The following NEIL3 variants were observed in gnomAD, a reference collection of about 807,000 sequenced individuals.
The protein encoded by NEIL3 is nei like DNA glycosylase 3, also known as endonuclease 8-like 3.
Under a neutral mutation model 57.5 loss-of-function variants are expected in NEIL3, and 48 were observed. The ratio of observed to expected loss-of-function variants is 0.83; its 90% CI spans 0.66 to 1.06. The LOEUF (loss-of-function observed/expected upper bound fraction) is 1.06, where lower values mean the gene tolerates loss of function less well. NEIL3 is among the 50% of genes least tolerant of loss of function. NEIL3 has a pLI of 0.00. For missense variants in NEIL3, 717 were observed against 739.1 expected (o/e 0.97, Z 0.35); for synonymous variants, 261 against 253.2 (o/e 1.03, Z -0.29).
chr4:177,312,438 A>G (rs1242177159), intron 1 of NEIL3, among the ~76,000 whole-genome samples: 1 of 152,174 alleles, frequency 6.6e-6, no homozygotes, highest in East Asian at 1.9e-4. Context: ...GAAAAGTGCA[A>G]TCTTGGATTT....
At chr4:177,327,215 G>A (rs1014589829) in intron 2 of NEIL3, among the ~76,000 whole-genome samples, 2 of 152,134 alleles carry the variant, frequency 1.3e-5, no homozygotes, top group Admixed American at 6.6e-5. Flanking sequence ...GTGGAACTGC[G>A]AGTCAATTAA....
intron 2 of NEIL3, among the ~76,000 whole-genome samples, chr4:177,323,845 C>T (rs1221068334): frequency 2.0e-5 from 3 of 152,172 alleles, no homozygotes; most frequent in Admixed American, 6.5e-5. Flanking sequence ...AGTCATTTCT[C>T]AGCACACGGC....
At chr4:177,326,725 C>A (rs753603853) in intron 2 of NEIL3, among the ~76,000 whole-genome samples, 1 of 151,934 alleles carries the variant, frequency 6.6e-6, no homozygotes, top group South Asian at 2.1e-4. Flanking sequence ...TCCTTCATTT[C>A]TTTATCAGTA....
At chr4:177,358,601 C>T (rs1414456339) in intron 8 of NEIL3, among the ~76,000 whole-genome samples, 4 of 152,138 alleles carry the variant, frequency 2.6e-5, no homozygotes, top group Admixed American at 2.6e-4. Context: ...GCCACCATGC[C>T]CAGCCTGTGG....
In NEIL3 at chr4:177,322,579, C is replaced by G. The variant is rs765871055; in HGVS notation, c.277C>G (p.Arg93Gly). 5.6e-6 allele frequency: 9 copies of G among 1,613,672 alleles called. No individual in the cohort carries two copies. In the South Asian group the frequency reaches 9.9e-5, roughly 18 times the overall value. The change falls in exon 2 of 10, where the codon CGG (arginine) becomes GGG (glycine). Residue 93 changes from arginine (R) to glycine (G), a missense_variant and splice_region_variant. By Grantham distance (125) the Arg-to-Gly change is moderately radical. Coordinates refer to ENST00000264596, the MANE Select transcript of NEIL3 (RefSeq NM_018248.3). ...TATGTACTTTGGACCAAAAGCTTTACGGTAAGATAAGCCTGTACGATACAT... is the reference window on the plus strand; with the variant it reads ...TATGTACTTTGGACCAAAAGCTTTAGGGTAAGATAAGCCTGTACGATACAT... ...LFMYFGPKALRIHFGMKGFIM... is the reference protein window; with the variant it reads ...LFMYFGPKALGIHFGMKGFIM...
chr4:177,335,762 T>A lies in NEIL3; in HGVS notation c.353T>A (p.Val118Asp), dbSNP rs1207407972. 1.3e-6 allele frequency: 2 copies of A among 1,592,554 alleles called. No homozygotes were observed. Among genetic ancestry groups the A allele is most frequent in the Non-Finnish European group, 1.7e-6 (2 of 1,172,130 alleles). ...EYKYKNGASP[V>D]LEVQLTKDLI... is the part of the protein sequence containing the mutation. ...AAATATAAAAATGGAGCTTCTCCTG[T>A]TTTGGAAGTGCAGCTCACCAAAGAT... The change falls in exon 3 of 10, where the codon GTT (valine) becomes GAT (aspartate). Residue 118 changes from valine (V) to aspartate (D), a missense_variant. Transcript: ENST00000264596.
chr4:177,324,646 TCTG>T (rs1734745383), intron 2 of NEIL3, among the ~76,000 whole-genome samples: 1 of 152,190 alleles, frequency 6.6e-6, no homozygotes, highest in Non-Finnish European at 1.5e-5. Flanking sequence ...CTGTACAACT[TCTG>T]AACACTTTCC....
intron 6 of NEIL3, among the ~76,000 whole-genome samples, chr4:177,349,566 G>A (rs563095056): frequency 2.6e-5 from 4 of 152,106 alleles, no homozygotes; most frequent in South Asian, 4.1e-4. Flanking sequence ...ATCTCTCTAC[G>A]CCAAGATCCT....
chr4:177,316,257 T>A lies in NEIL3; in HGVS notation c.156+6148T>A, dbSNP rs184754683. On this transcript the variant is annotated intron_variant, in intron 1 of 9. Transcript: ENST00000264596. ...GATAGGGGAGAACTACTGTATTGGATTAGATCTTTTTAGAGCAACAATTTA... is the reference window on the plus strand; with the variant it reads ...GATAGGGGAGAACTACTGTATTGGAATAGATCTTTTTAGAGCAACAATTTA... Among the ~76,000 whole-genome samples, 550 of 152,268 alleles carry A rather than the reference T, an allele frequency of 3.6e-3. 4 individuals carry two copies. The highest frequency in any genetic ancestry group is 0.013 in the African/African-American group (526 of 41,560).
Position 177,322,507 on chromosome 4 carries a change from A to G in NEIL3, c.205A>G (p.Asn69Asp). Residue 69 changes from asparagine to aspartate, a missense_variant, in exon 2 of 10, where the codon AAT becomes GAT. Physicochemically the swap from Asn to Asp is conservative, Grantham distance 23. Coordinates refer to ENST00000264596, the MANE Select transcript of NEIL3 (RefSeq NM_018248.3). ...CAGCCAGAATGTCTTGAGCCTGTTT[A>G]ATGGATATGTTTACAGTGGCGTGGA... The part of the protein sequence containing the change: ...DSSQNVLSLF[N>D]GYVYSGVETL... 1 of 1,613,986 alleles carries G rather than the reference A, an allele frequency of 6.2e-7. No homozygotes were observed. Among genetic ancestry groups the G allele is most frequent in the South Asian group, 1.1e-5 (1 of 91,070 alleles).
intron 1 of NEIL3, among the ~76,000 whole-genome samples, chr4:177,316,358 A>C (rs988505694): frequency 6.6e-6 from 1 of 152,126 alleles, no homozygotes; most frequent in East Asian, 1.9e-4. Context: ...CTCCTCCCTA[A>C]ACCTTCCCAT....
intron 8 of NEIL3, among the ~76,000 whole-genome samples, chr4:177,359,609 G>A (rs1239968419): frequency 1.3e-5 from 2 of 151,960 alleles, no homozygotes; most frequent in East Asian, 3.9e-4. Flanking sequence ...TGGATTAACT[G>A]TTTTATCATT....
chr4:177,317,323 G>A (rs899236495), intron 1 of NEIL3, among the ~76,000 whole-genome samples: 1 of 152,084 alleles, frequency 6.6e-6, no homozygotes, highest in African/African-American at 2.4e-5. Context: ...TTAGTTGGAG[G>A]TTCTCTTTGA....
intron 1 of NEIL3, among the ~76,000 whole-genome samples, chr4:177,310,730 C>A (rs1176921633): frequency 6.6e-6 from 1 of 152,176 alleles, no homozygotes; most frequent in Non-Finnish European, 1.5e-5. Context: ...TCATTGCAGA[C>A]GATGTGGTAT....
At chr4:177,324,128 T>G (rs1233451154) in intron 2 of NEIL3, among the ~76,000 whole-genome samples, 1 of 152,178 alleles carries the variant, frequency 6.6e-6, no homozygotes, top group Admixed American at 6.6e-5. Flanking sequence ...AACCTGTGCT[T>G]CTTAGAGGAA....
chr4:177,354,441 T>G (rs538153417), intron 8 of NEIL3, among the ~76,000 whole-genome samples: 1 of 152,334 alleles, frequency 6.6e-6, no homozygotes, highest in Admixed American at 6.5e-5. Flanking sequence ...TATAAAAGTT[T>G]AGTAAGTATA....
intron 8 of NEIL3, among the ~76,000 whole-genome samples, chr4:177,356,699 C>T (rs147804789): frequency 8.5e-5 from 13 of 152,270 alleles, no homozygotes; most frequent in African/African-American, 1.9e-4. Context: ...GTTCTCATTA[C>T]CACACAATCC....
chr4:177,363,444 A>G (rs34987744), downstream of NEIL3, among the ~76,000 whole-genome samples: 2 of 152,324 alleles, frequency 1.3e-5, no homozygotes, highest in East Asian at 3.9e-4. Context: ...GGACCAACCT[A>G]GGATGAGTGA....
At chr4:177,338,966 A>C (rs1419151775) in intron 4 of NEIL3, among the ~76,000 whole-genome samples, 1 of 152,210 alleles carries the variant, frequency 6.6e-6, no homozygotes, top group African/African-American at 2.4e-5. Flanking sequence ...TGAATTTACA[A>C]TTAAAATGTA....
Sources: gnomAD v4.1 joint callset for allele counts (sites outside exome capture counted in the v4.1 genomes callset) on GRCh38, gnomAD v4.1.1 for gene constraint, MANE v1.5 for transcripts, NCBI Gene and HGNC (gene_info 2026-07-23, HGNC 2026-07-21) for gene names.